Variants in PXK observed in about 807,000 individuals in gnomAD.
PXK encodes the protein PX domain containing serine/threonine kinase like.
In PXK, 35 loss-of-function variants were observed where a neutral mutation model predicts 84.7. That is an observed-to-expected ratio of 0.41 (90% CI 0.32 to 0.55). The LOEUF is 0.55. Ranked by LOEUF, PXK falls within the 20% of genes least tolerant of loss-of-function variation. PXK has a pLI of 0.21. For synonymous variants in PXK, 253 were observed against 260.8 expected (o/e 0.97, Z 0.29); for missense variants, 634 against 699.7 (o/e 0.91, Z 1.06).
At chr3:58,388,196 C>A (rs945579600) in intron 4 of PXK, among the ~76,000 whole-genome samples, 1 of 152,176 alleles carries the variant, frequency 6.6e-6, no homozygotes, top group Non-Finnish European at 1.5e-5. Context: ...TATCCTTTCT[C>A]CAATTCCCTG....
chr3:58,365,504 A>T (rs2098256962), intron 1 of PXK, among the ~76,000 whole-genome samples: 1 of 152,150 alleles, frequency 6.6e-6, no homozygotes, highest in African/African-American at 2.4e-5. Context: ...CTGTTGGCTG[A>T]TGGTATTGTT....
chr3:58,387,753 C>T (rs1343800625), intron 4 of PXK, among the ~76,000 whole-genome samples: 2 of 151,980 alleles, frequency 1.3e-5, no homozygotes, highest in African/African-American at 2.4e-5. Context: ...CACAGGTAAT[C>T]GCATAAGAGA....
At chr3:58,373,274 T>G (rs1389848959) in intron 3 of PXK, among the ~76,000 whole-genome samples, 1 of 146,616 alleles carries the variant, frequency 6.8e-6, no homozygotes, top group African/African-American at 2.5e-5. Context: ...GAGATGGGAT[T>G]TCACTGTGTT....
At chr3:58,336,554 A>G (rs1346028975) in intron 1 of PXK, among the ~76,000 whole-genome samples, 2 of 152,212 alleles carry the variant, frequency 1.3e-5, no homozygotes, top group African/African-American at 4.8e-5. Context: ...GATTTTCCAG[A>G]CAAAAGGAAT....
At chr3:58,349,744 A>G (rs559798881) in intron 1 of PXK, among the ~76,000 whole-genome samples, 1 of 152,330 alleles carries the variant, frequency 6.6e-6, no homozygotes, top group Admixed American at 6.5e-5. Flanking sequence ...GGCTAATAAA[A>G]TTAAGCTAAA....
At chr3:58,423,441 G>T in intron 17 of PXK, 1 of 1,526,094 alleles carries the variant, frequency 6.6e-7, no homozygotes, top group Non-Finnish European at 8.8e-7. Flanking sequence ...GTGTGTATTT[G>T]TGTGATTCTT....
intron 4 of PXK, among the ~76,000 whole-genome samples, chr3:58,386,853 A>T (rs2098556269): frequency 6.6e-6 from 1 of 152,242 alleles, no homozygotes; most frequent in African/African-American, 2.4e-5. Context: ...GGAGTGCTGA[A>T]GTTCCCCTTT....
chr3:58,347,420 A>T (rs936657656), intron 1 of PXK, among the ~76,000 whole-genome samples: 4 of 152,166 alleles, frequency 2.6e-5, no homozygotes, highest in African/African-American at 9.7e-5. Context: ...GGAACTACTG[A>T]TCTGCTTTCT....
chr3:58,423,397 A>C, intron 17 of PXK: 1 of 1,507,478 alleles, frequency 6.6e-7, no homozygotes. Flanking sequence ...TTGTATTGCT[A>C]TCTTTGAGCA....
chr3:58,408,905 T>C lies in PXK; in HGVS notation c.1231-19T>C, dbSNP rs781726736. 1 of 1,525,218 alleles carries C rather than the reference T, an allele frequency of 6.6e-7. No individual in the cohort carries two copies. The highest frequency in any genetic ancestry group is 9.1e-7 in the Non-Finnish European group (1 of 1,099,696). The allele number at this position is 1,525,218 out of a possible 1,614,324, so 94.5% of individuals were successfully genotyped here. ...CAGCCACCTTTTTCAATAGATGATG[T>C]ACTTTTCTCTCCTTTCAGATCCCTA... is the stretch of plus-strand genomic sequence containing the variant. On this transcript the variant is annotated intron_variant, in intron 13 of 17. Coordinates refer to ENST00000356151, the MANE Select transcript of PXK (RefSeq NM_017771.5).
intron 1 of PXK, among the ~76,000 whole-genome samples, chr3:58,353,056 G>T (rs2097968607): frequency 6.6e-6 from 1 of 151,970 alleles, no homozygotes; most frequent in East Asian, 1.9e-4. Flanking sequence ...GAGTGCAGTG[G>T]TGCGATCTCG....
intron 13 of PXK, among the ~76,000 whole-genome samples, chr3:58,405,860 T>C (rs55724153): frequency 0.24 from 36,356 of 152,164 alleles, 6,063 homozygotes; most frequent in East Asian, 0.8. Flanking sequence ...CTGGGAAAGT[T>C]TAATCTTACA....
In PXK at chr3:58,424,782, C is replaced by G. The variant is rs755110801; in HGVS notation, c.1559C>G (p.Pro520Arg). 1 of 1,614,124 alleles carries G rather than the reference C, an allele frequency of 6.2e-7. No individual in the cohort carries two copies. The highest frequency in any genetic ancestry group is 2.2e-5 in the East Asian group (1 of 44,878). The part of the protein sequence containing the change: ...GISALPPPPP[P>R]PPPPAAPLPP... ...TCTGCATTACCTCCACCTCCTCCACCTCCACCACCACCAGCAGCTCCCTTG... is the reference window on the plus strand; with the variant it reads ...TCTGCATTACCTCCACCTCCTCCACGTCCACCACCACCAGCAGCTCCCTTG... The change falls in exon 18 of 18, where the codon CCT (proline) becomes CGT (arginine). Residue 520 changes from proline (P) to arginine (R), a missense_variant. This residue lies in a region of PXK where 273 missense variants were observed against 283.6 expected (regional missense o/e 0.96). Transcript: ENST00000356151.
At chr3:58,353,065 C>T (rs943919284) in intron 1 of PXK, among the ~76,000 whole-genome samples, 18 of 151,638 alleles carry the variant, frequency 1.2e-4, no homozygotes, top group African/African-American at 3.6e-4. Context: ...GGTGCGATCT[C>T]GGCTCACTGC....
At chr3:58,368,582 A>G (rs1164041382) in intron 2 of PXK, among the ~76,000 whole-genome samples, 2 of 152,272 alleles carry the variant, frequency 1.3e-5, no homozygotes, top group South Asian at 2.1e-4. Flanking sequence ...TTAGCCTCCC[A>G]AAGTGCTGGG....
intron 17 of PXK, among the ~76,000 whole-genome samples, chr3:58,417,991 A>T (rs2061248546): frequency 6.6e-6 from 1 of 151,626 alleles, no homozygotes; most frequent in Non-Finnish European, 1.5e-5. Context: ...GCTAATTTTT[A>T]TATTTTTTTG....
At chr3:58,413,062 G>T in intron 17 of PXK, 99 bp downstream of exon 17, 1 of 1,277,522 alleles carries the variant, frequency 7.8e-7, no homozygotes, top group South Asian at 1.2e-5. Context: ...TCAGGGGTTA[G>T]ATAGCAGCAG....
rs183938324 is a variant in PXK, at chr3:58,380,128, A to C, written c.202-2386A>C. ...GACCTAACAATACAATAAAAGGCCAAATAACTTAAGGAGATTAGTTTTTAG... is the reference window on the plus strand; with the variant it reads ...GACCTAACAATACAATAAAAGGCCACATAACTTAAGGAGATTAGTTTTTAG... On this transcript the variant is annotated intron_variant, in intron 3 of 17. Coordinates refer to ENST00000356151, the MANE Select transcript of PXK (RefSeq NM_017771.5). Among the ~76,000 whole-genome samples the C allele has an allele frequency of 1.0e-3, 156 of 152,328 alleles. 1 individual carries two copies. Among genetic ancestry groups the C allele is most frequent in the African/African-American group, 3.2e-3 (132 of 41,566 alleles).
rs977973659 is a variant in PXK at position 58,379,569 on chromosome 3, A to G, written c.202-2945A>G. ...TGAAAGTGACCAAAACAAATAGGAA[A>G]AAAAGGAACCATCAGGAAGCAGAAG... is the stretch of plus-strand genomic sequence containing the variant. On this transcript the variant is annotated intron_variant, in intron 3 of 17. Transcript: ENST00000356151. The surrounding 1 kb of genome is among the most constrained non-coding windows in gnomAD (Gnocchi z 5.1). 2 of 153,558 alleles carry G rather than the reference A, an allele frequency of 1.3e-5. No homozygotes were observed. Among genetic ancestry groups the G allele is most frequent in the African/African-American group, 4.8e-5 (2 of 41,444 alleles). 9.5% of individuals were successfully genotyped at this position (153,558 alleles called of 1,614,324 possible). A position where few individuals can be genotyped will look rare whatever the true frequency, so the allele number is the denominator to read the frequency against.
Sources: allele counts gnomAD v4.1 joint callset (sites outside exome capture counted in the v4.1 genomes callset), GRCh38; gene constraint gnomAD v4.1.1; regional missense constraint gnomAD v4.1.1; non-coding constraint Gnocchi (gnomAD v3.1); transcripts MANE v1.5; gene names NCBI Gene and HGNC (gene_info 2026-07-23, HGNC 2026-07-21).